Variants in GABRG3 observed in about 807,000 individuals in gnomAD.
GABRG3 encodes the protein gamma-aminobutyric acid receptor subunit gamma-3.
Under a neutral mutation model 48.8 loss-of-function variants are expected in GABRG3, and 25 were observed. The observed-to-expected ratio is 0.51, with a 90% CI of 0.37 to 0.72. The LOEUF is 0.72. GABRG3 is among the 30% of genes least tolerant of loss of function. The pLI is 0.00. For synonymous variants in GABRG3, 227 were observed against 217.6 expected, an observed-to-expected ratio of 1.04 and a Z score of -0.38; for missense variants, 394 against 577.9, an observed-to-expected ratio of 0.68 and a Z score of 3.26.
At chr15:27,035,409 G>C (rs192086411) in intron 3 of GABRG3, among the ~76,000 whole-genome samples, 1 of 152,304 alleles carries the variant, frequency 6.6e-6, no homozygotes, top group Non-Finnish European at 1.5e-5. Context: ...TCCTTCAAAT[G>C]TGTGAATAGC....
intron 3 of GABRG3, among the ~76,000 whole-genome samples, chr15:27,070,077 A>G (rs1380692127): frequency 6.6e-6 from 1 of 152,260 alleles, no homozygotes; most frequent in Admixed American, 6.5e-5. Flanking sequence ...AAAACCAAGG[A>G]AGAACAAGAT....
chr15:26,972,908 A>T (rs1335244462), intron 1 of GABRG3, among the ~76,000 whole-genome samples: 1 of 151,972 alleles, frequency 6.6e-6, no homozygotes, highest in African/African-American at 2.4e-5. Flanking sequence ...GAGACAGAGC[A>T]CTCCTTGGGC....
At chr15:27,041,288 T>A (rs887188752) in intron 3 of GABRG3, among the ~76,000 whole-genome samples, 9 of 152,140 alleles carry the variant, frequency 5.9e-5, no homozygotes, top group Admixed American at 5.2e-4. Flanking sequence ...ACTCAAGCGA[T>A]CTTCTTACCT....
chr15:27,351,976 T>A (rs1284482074), intron 5 of GABRG3, among the ~76,000 whole-genome samples: 1 of 150,420 alleles, frequency 6.6e-6, no homozygotes, highest in Admixed American at 6.6e-5. Flanking sequence ...GTCTGTATAA[T>A]GTGTGTGTAT....
chr15:27,180,717 T>A lies in GABRG3; in HGVS notation c.271-146092T>A, dbSNP rs989217262. On this transcript the variant is annotated intron_variant, in intron 3 of 9. Coordinates refer to ENST00000615808, the MANE Select transcript of GABRG3 (RefSeq NM_033223.5). This position sits in a 1 kb window ranked among gnomAD's most constrained non-coding sequence, Gnocchi z 4.2. ...TAGCAATAATTGAAAAACAGAAACCTATTTTCTTTAATTATTTTACTAATT... is the reference window on the plus strand; with the variant it reads ...TAGCAATAATTGAAAAACAGAAACCAATTTTCTTTAATTATTTTACTAATT... Among the ~76,000 whole-genome samples the A allele has an allele frequency of 1.3e-5, 2 of 152,128 alleles. No individual in the cohort carries two copies. The highest frequency in any genetic ancestry group is 4.8e-5 in the African/African-American group (2 of 41,418).
At chr15:27,469,526 A>G (rs963646071) in intron 5 of GABRG3, among the ~76,000 whole-genome samples, 4 of 152,036 alleles carry the variant, frequency 2.6e-5, no homozygotes, top group African/African-American at 4.8e-5. Context: ...TTTTTAGTAG[A>G]GATGTGGTTT....
At position 27,527,881 on chromosome 15, in the gene GABRG3, G is replaced by A. The variant is rs1459406953; in HGVS notation, c.1063-52G>A. The A allele has an allele frequency of 5.7e-6, 8 of 1,395,482 alleles. No individual in the cohort carries two copies. In the East Asian group the frequency reaches 2.0e-4, roughly 35 times the overall value. The allele number at this position is 1,395,482 out of a possible 1,614,324, so 86.4% of individuals were successfully genotyped here. Reference sequence around the variant, plus strand: ...AAGATTGCTCTTAAGAGTGATCTTGGATGCAAATGTTCATGACAGTTTCCT... The same window carrying A: ...AAGATTGCTCTTAAGAGTGATCTTGAATGCAAATGTTCATGACAGTTTCCT... On this transcript the variant is annotated intron_variant, in intron 8 of 9. Coordinates refer to ENST00000615808, the MANE Select transcript of GABRG3 (RefSeq NM_033223.5).
At chr15:27,049,836 A>G (rs1168375173) in intron 3 of GABRG3, among the ~76,000 whole-genome samples, 1 of 152,210 alleles carries the variant, frequency 6.6e-6, no homozygotes. Context: ...CGGGGATGAA[A>G]GGTCATATCC....
intron 3 of GABRG3, among the ~76,000 whole-genome samples, chr15:27,311,910 C>T (rs1893009039): frequency 2.0e-5 from 3 of 151,956 alleles, no homozygotes; most frequent in Admixed American, 2.0e-4. Flanking sequence ...ATCTAATGTG[C>T]AGACAACACA....
intron 3 of GABRG3, among the ~76,000 whole-genome samples, chr15:27,155,493 T>C (rs1388705329): frequency 2.6e-5 from 4 of 152,252 alleles, no homozygotes; most frequent in African/African-American, 9.6e-5. Context: ...TGTTTTTCAG[T>C]TGAAAACTGA....
intron 2 of GABRG3, among the ~76,000 whole-genome samples, chr15:27,004,397 G>A (rs898632900): frequency 2.6e-5 from 4 of 151,662 alleles, no homozygotes; most frequent in Admixed American, 6.6e-5. Flanking sequence ...GATGGCGGCC[G>A]GGAAGAGGCG....
intron 5 of GABRG3, among the ~76,000 whole-genome samples, chr15:27,432,713 G>T (rs1345681102): frequency 1.3e-5 from 2 of 152,084 alleles, no homozygotes; most frequent in African/African-American, 4.8e-5. Flanking sequence ...TGAAATCCTG[G>T]TTCCTTTTTG....
intron 3 of GABRG3, among the ~76,000 whole-genome samples, chr15:27,064,449 A>G (rs1896703697): frequency 6.6e-6 from 1 of 152,174 alleles, no homozygotes; most frequent in African/African-American, 2.4e-5. Flanking sequence ...CAGGAGCCCC[A>G]GCCCACTGGC....
rs1251570647 is a variant in GABRG3, at chr15:26,974,130, A to G, written c.53+2542A>G. ...GGGTGCTCACTGCCCAGGGACCTAG[A>G]GCATCTCGGCCTCACTCTGCCCACT... is the stretch of plus-strand genomic sequence containing the variant. On this transcript the variant is annotated intron_variant, in intron 1 of 9. Transcript: ENST00000615808. The surrounding 1 kb of genome is among the most constrained non-coding windows in gnomAD (Gnocchi z 4.3). 6.6e-6 allele frequency among the ~76,000 whole-genome samples: 1 copy of G among 152,096 alleles called. No individual in the cohort carries two copies. Among genetic ancestry groups the G allele is most frequent in the Non-Finnish European group, 1.5e-5 (1 of 68,012 alleles).
chr15:27,251,076 C>G (rs535090585), intron 3 of GABRG3, among the ~76,000 whole-genome samples: 60 of 152,314 alleles, frequency 3.9e-4, no homozygotes, highest in African/African-American at 1.4e-3. Flanking sequence ...GACTGCCACG[C>G]CTGCTGCCTG....
At chr15:27,270,264 G>A (rs753239868) in intron 3 of GABRG3, among the ~76,000 whole-genome samples, 2 of 152,194 alleles carry the variant, frequency 1.3e-5, no homozygotes, top group African/African-American at 2.4e-5. Context: ...GAAAAGCCAT[G>A]AAGAGGAGGT....
At chr15:27,205,875 C>T (rs1888835817) in intron 3 of GABRG3, among the ~76,000 whole-genome samples, 1 of 151,950 alleles carries the variant, frequency 6.6e-6, no homozygotes, top group Non-Finnish European at 1.5e-5. Context: ...TCATAACAGA[C>T]TCTTAGGGTT....
chr15:27,342,806 T>A (rs909040537), intron 5 of GABRG3, among the ~76,000 whole-genome samples: 1 of 152,204 alleles, frequency 6.6e-6, no homozygotes, highest in Admixed American at 6.5e-5. Flanking sequence ...CCGTTCTACC[T>A]GGACCAGGGG....
chr15:27,328,117 A>C lies in GABRG3; in HGVS notation c.492-689A>C, dbSNP rs1238347337. 5.4e-3 allele frequency among the ~76,000 whole-genome samples: 667 copies of C among 122,426 alleles called. 5 individuals carry two copies. The highest frequency in any genetic ancestry group is 0.029 in the African/African-American group (638 of 22,134). The allele number at this position is 122,426 out of a possible 152,430, so 80.3% of individuals were successfully genotyped here. ...ACAATTACAGCAAAAACAAACAAAC[A>C]AAAAAAAAAACCAAAAAAAAAAAAC... On this transcript the variant is annotated intron_variant, in intron 4 of 9. Transcript: ENST00000615808.
Sources: gnomAD v4.1 joint callset for allele counts (sites outside exome capture counted in the v4.1 genomes callset) on GRCh38, gnomAD v4.1.1 for gene constraint, Gnocchi (gnomAD v3.1) non-coding constraint, MANE v1.5 for transcripts, NCBI Gene and HGNC (gene_info 2026-07-23, HGNC 2026-07-21) for gene names.